KIAA0319L: variants seen among roughly 807,000 people sequenced by gnomAD.
The protein encoded by KIAA0319L is KIAA0319 like, also known as dyslexia-associated protein KIAA0319-like protein.
KIAA0319L carries 55 observed loss-of-function variants against 120.1 expected under a neutral mutation model. The ratio of observed to expected loss-of-function variants is 0.46; its 90% CI spans 0.37 to 0.57. The LOEUF (loss-of-function observed/expected upper bound fraction) is 0.57. Among genes scored for constraint, KIAA0319L ranks in the 20% least tolerant of loss-of-function variants. KIAA0319L has a pLI of 0.00. For synonymous variants in KIAA0319L, 398 were observed against 471.9 expected (o/e 0.84, Z 2.03); for missense variants, 1,049 against 1,255.3 (o/e 0.84, Z 2.48).
At chr1:35,539,021 T>C (rs1269661384) in intron 2 of KIAA0319L, among the ~76,000 whole-genome samples, 2 of 152,102 alleles carry the variant, frequency 1.3e-5, no homozygotes, top group African/African-American at 4.8e-5. Flanking sequence ...ATGGTATTAA[T>C]TCTAGGCAGG....
Position 35,442,713 on chromosome 1 carries a change from G to A in KIAA0319L, c.2779+193C>T, listed in dbSNP as rs560051088. ...GAGTTAAGCCTGGTTCTTCTTACAC[G>A]ACTGCTTCAGGGCTTTCCTCTAACC... On this transcript the variant is annotated intron_variant, in intron 18 of 20. Coordinates refer to ENST00000325722, the MANE Select transcript of KIAA0319L (RefSeq NM_024874.5). Among the ~76,000 whole-genome samples, 13 of 152,286 alleles carry A rather than the reference G, an allele frequency of 8.5e-5. 1 individual carries two copies. The highest frequency in any genetic ancestry group is 2.6e-4 in the African/African-American group (11 of 41,554).
intron 3 of KIAA0319L, among the ~76,000 whole-genome samples, chr1:35,490,846 TAGTG>T (rs1225768782): frequency 2.6e-5 from 4 of 152,316 alleles, no homozygotes; most frequent in South Asian, 2.1e-4. Flanking sequence ...GTTCTCATGA[TAGTG>T]AGTGAGTTCT....
rs577159903 is a variant in KIAA0319L at position 35,436,967 on chromosome 1, A to G, written c.2963-1886T>C. Among the ~76,000 whole-genome samples, 59 of 151,930 alleles carry G rather than the reference A, an allele frequency of 3.9e-4. 1 individual carries two copies. The highest frequency in any genetic ancestry group is 1.4e-3 in the African/African-American group (59 of 41,418). On this transcript the variant is annotated intron_variant, in intron 20 of 20. Transcript: ENST00000325722. ...TTCTCCTCGTCCTCCTAGTGACTCT[A>G]CTCTAGGCTGGACCTGCTAACCCAC...
At chr1:35,544,880 C>A (rs1646925583) in intron 2 of KIAA0319L, among the ~76,000 whole-genome samples, 2 of 152,174 alleles carry the variant, frequency 1.3e-5, no homozygotes. Context: ...AGGTTGCAAT[C>A]CTGAGAAGGG....
At position 35,549,799 on chromosome 1, in the gene KIAA0319L, G is replaced by A. The variant is rs1647131468; in HGVS notation, c.142+4551C>T. On this transcript the variant is annotated intron_variant, in intron 2 of 20. Coordinates refer to ENST00000325722, the MANE Select transcript of KIAA0319L (RefSeq NM_024874.5). ...CTGCTCTGATTTTGTTGTTTTTAAAGCTTAATTCTCAAAGAACAATTCCCT... is the reference window on the plus strand; with the variant it reads ...CTGCTCTGATTTTGTTGTTTTTAAAACTTAATTCTCAAAGAACAATTCCCT... Among the ~76,000 whole-genome samples, 5 of 152,232 alleles carry A rather than the reference G, an allele frequency of 3.3e-5. No individual in the cohort carries two copies. The South Asian group carries it at 1.0e-3, about 32-fold the overall frequency.
chr1:35,551,212 G>C (rs930801726), intron 2 of KIAA0319L, among the ~76,000 whole-genome samples: 4 of 152,144 alleles, frequency 2.6e-5, no homozygotes, highest in African/African-American at 9.7e-5. Context: ...GATTTAAAAG[G>C]ATATCTCATT....
chr1:35,464,845 C>G (rs1440144364), intron 7 of KIAA0319L, among the ~76,000 whole-genome samples: 2 of 152,224 alleles, frequency 1.3e-5, no homozygotes, highest in East Asian at 3.9e-4. Flanking sequence ...CAAGCCATGG[C>G]TGAAAAGGGC....
intron 20 of KIAA0319L, chr1:35,435,336 T>C (rs1363538553): frequency 4.7e-6 from 2 of 429,612 alleles, no homozygotes; most frequent in African/African-American, 4.1e-5. Context: ...TCATCTCCAG[T>C]ATCCATGAGC....
At chr1:35,503,865 G>C (rs1050252255) in intron 3 of KIAA0319L, among the ~76,000 whole-genome samples, 1 of 151,372 alleles carries the variant, frequency 6.6e-6, no homozygotes, top group Non-Finnish European at 1.5e-5. Context: ...TGAATACTAA[G>C]TATATTTTCC....
At position 35,474,242 on chromosome 1, in the gene KIAA0319L, G is replaced by C. The variant is rs570336878; in HGVS notation, c.1015+563C>G. ...TTGAGATCACAGGCTTTGATGTCAC[G>C]CTTGGGTTCAAATCTCAGCTGAGCC... On this transcript the variant is annotated intron_variant, in intron 5 of 20. Coordinates refer to ENST00000325722, the MANE Select transcript of KIAA0319L (RefSeq NM_024874.5). 4.6e-5 allele frequency among the ~76,000 whole-genome samples: 7 copies of C among 152,222 alleles called. No individual in the cohort carries two copies. The South Asian group carries it at 1.5e-3, about 32-fold the overall frequency.
Position 35,462,648 on chromosome 1 carries a change from T to A in KIAA0319L, c.1267A>T (p.Thr423Ser), listed in dbSNP as rs1409603046. The A allele has an allele frequency of 1.2e-6, 2 of 1,613,838 alleles. No individual in the cohort carries two copies. Among genetic ancestry groups the A allele is most frequent in the Non-Finnish European group, 1.7e-6 (2 of 1,179,718 alleles). Residue 423 changes from threonine (T) to serine (S), a missense_variant, in exon 8 of 21, where the codon ACC becomes TCC. Thr to Ser is a moderately conservative substitution (Grantham distance 58, BLOSUM62 1). Transcript: ENST00000325722. ...CTGCCATCAATGACTGTAGAAGTGG[T>A]TGGCAAAGAGATCTCCTGGAACTGA... ...SPQFQEISLP[T>S]TSTVIDGSQS...
At chr1:35,503,087 CCCACTCT>C (rs143339005) in intron 3 of KIAA0319L, among the ~76,000 whole-genome samples, 1,779 of 152,062 alleles carry the variant, frequency 0.012, 34 homozygotes, top group African/African-American at 0.041. Flanking sequence ...AGACCTTTAC[CCCACTCT>C]CTAAACCTCT....
intron 4 of KIAA0319L, among the ~76,000 whole-genome samples, chr1:35,478,521 G>C (rs1459494585): frequency 6.6e-6 from 1 of 152,086 alleles, no homozygotes; most frequent in African/African-American, 2.4e-5. Context: ...AGTATCTCAT[G>C]TATGCCATAA....
chr1:35,533,908 T>C (rs1171374481), intron 2 of KIAA0319L, among the ~76,000 whole-genome samples: 1 of 152,178 alleles, frequency 6.6e-6, no homozygotes, highest in African/African-American at 2.4e-5. Flanking sequence ...AAAAAAATGG[T>C]TCCACCTTAC....
In KIAA0319L at chr1:35,450,412, G is replaced by A; in HGVS notation, c.2160C>T (p.Asp720=). 1 of 1,614,162 alleles carries A rather than the reference G, an allele frequency of 6.2e-7. No individual in the cohort carries two copies. Among genetic ancestry groups the A allele is most frequent in the Non-Finnish European group, 8.5e-7 (1 of 1,180,014 alleles). ...TCCAGAGGTAGCTGACTATTCCCTTGTCATCTGAGGACTTAGAGCCATCCA... is the reference window on the plus strand; with the variant it reads ...TCCAGAGGTAGCTGACTATTCCCTTATCATCTGAGGACTTAGAGCCATCCA... ...AELDGSKSSD[D]KGIVSYLWTR... Residue 720 remains aspartate (D), a synonymous_variant, in exon 14 of 21, where the codon GAC becomes GAT. Transcript: ENST00000325722.
intron 3 of KIAA0319L, among the ~76,000 whole-genome samples, chr1:35,497,718 G>A (rs1644862968): frequency 6.6e-6 from 1 of 152,112 alleles, no homozygotes; most frequent in Non-Finnish European, 1.5e-5. Flanking sequence ...TAACAAAAGA[G>A]CCATTCATGC....
intron 2 of KIAA0319L, among the ~76,000 whole-genome samples, chr1:35,520,661 G>A (rs917047091): frequency 7.9e-5 from 12 of 152,130 alleles, no homozygotes; most frequent in African/African-American, 2.9e-4. Flanking sequence ...TCAAGAATGA[G>A]CAACCTCAAT....
chr1:35,520,502 T>A (rs1645868192), intron 2 of KIAA0319L, among the ~76,000 whole-genome samples: 1 of 152,002 alleles, frequency 6.6e-6, no homozygotes. Context: ...CAAGCAATCC[T>A]CCCACCTTAG....
At chr1:35,444,878 A>C (rs1416777426) in intron 16 of KIAA0319L, among the ~76,000 whole-genome samples, 2 of 152,208 alleles carry the variant, frequency 1.3e-5, no homozygotes, top group African/African-American at 4.8e-5. Flanking sequence ...ATGAACTTAT[A>C]TTACTCCATG....
Sources: gnomAD v4.1 joint callset for allele counts (sites outside exome capture counted in the v4.1 genomes callset) on GRCh38, gnomAD v4.1.1 for gene constraint, MANE v1.5 for transcripts, NCBI Gene and HGNC (gene_info 2026-07-23, HGNC 2026-07-21) for gene names.